Variants in CCNYL1 observed in about 807,000 individuals in gnomAD.
CCNYL1 encodes cyclin-Y-like protein 1.
CCNYL1 carries 16 observed loss-of-function variants against 44.2 expected under a neutral mutation model. The ratio of observed to expected loss-of-function variants is 0.36; its 90% CI spans 0.25 to 0.55. CCNYL1 has a LOEUF of 0.55. Ranked by LOEUF, CCNYL1 falls within the 20% of genes least tolerant of loss-of-function variation. The probability of loss-of-function intolerance (pLI) is 0.85; values close to 1 mark genes in which losing one functional copy is unlikely to be tolerated. For missense variants in CCNYL1, 348 were observed against 451.8 expected, an observed-to-expected ratio of 0.77 and a Z score of 2.08; for synonymous variants, 159 against 163.2, an observed-to-expected ratio of 0.97 and a Z score of 0.20.
intron 8 of CCNYL1, among the ~76,000 whole-genome samples, chr2:207,748,231 G>T (rs1025563895): frequency 6.6e-6 from 1 of 152,146 alleles, no homozygotes; most frequent in East Asian, 1.9e-4. Context: ...AAGCTCCAGC[G>T]TTCCCCTCAG....
intron 7 of CCNYL1, among the ~76,000 whole-genome samples, chr2:207,744,504 C>A (rs890320306): frequency 5.3e-5 from 8 of 151,408 alleles, no homozygotes; most frequent in Non-Finnish European, 1.2e-4. Flanking sequence ...AGTACCTGGG[C>A]TTACCAGTGC....
chr2:207,715,918 C>T (rs1373389921), intron 1 of CCNYL1, among the ~76,000 whole-genome samples: 2 of 151,972 alleles, frequency 1.3e-5, no homozygotes, highest in African/African-American at 4.8e-5. Context: ...TCAGGTGATC[C>T]ACCTGTCTCA....
intron 4 of CCNYL1, 48 bp downstream of exon 4, chr2:207,734,095 C>G (rs780251362): frequency 8.6e-7 from 1 of 1,162,922 alleles, no homozygotes; most frequent in Non-Finnish European, 1.3e-6. Flanking sequence ...CCCCCTTATG[C>G]TAAAAGCATC....
intron 7 of CCNYL1, among the ~76,000 whole-genome samples, chr2:207,744,569 C>T (rs1001628736): frequency 5.9e-5 from 9 of 151,372 alleles, no homozygotes; most frequent in Non-Finnish European, 1.3e-4. Context: ...CGGGCTTCGC[C>T]ATGTTGGTCA....
At chr2:207,719,017 C>G (rs2091619677) in intron 1 of CCNYL1, among the ~76,000 whole-genome samples, 1 of 150,520 alleles carries the variant, frequency 6.6e-6, no homozygotes, top group Admixed American at 6.6e-5. Flanking sequence ...GAGTGATACC[C>G]AGATATCCAG....
At chr2:207,714,380 C>A (rs2091577106) in intron 1 of CCNYL1, 1 of 410,196 alleles carries the variant, frequency 2.4e-6, no homozygotes, top group Non-Finnish European at 4.7e-6. Context: ...TGGCCTCGAA[C>A]TCCTGGCCTG....
intron 3 of CCNYL1, among the ~76,000 whole-genome samples, chr2:207,730,529 G>A (rs533372043): frequency 1.6e-4 from 24 of 152,174 alleles, no homozygotes; most frequent in South Asian, 4.2e-4. Flanking sequence ...AGGCTGAGGC[G>A]GGAGGATCAC....
In CCNYL1 at chr2:207,716,955, A is replaced by G. The variant is rs1005842540; in HGVS notation, c.220+4839A>G. 1.1e-4 allele frequency among the ~76,000 whole-genome samples: 17 copies of G among 152,060 alleles called. 1 individual carries two copies. Among genetic ancestry groups the G allele is most frequent in the African/African-American group, 3.9e-4 (16 of 41,380 alleles). ...AAACCCCGTCTCTACGAAAAATACAAAAAATTAGCCGGGCGTGGTGGCGGG... is the reference window on the plus strand; with the variant it reads ...AAACCCCGTCTCTACGAAAAATACAGAAAATTAGCCGGGCGTGGTGGCGGG... On this transcript the variant is annotated intron_variant, in intron 1 of 9. Transcript: ENST00000295414.
At position 207,737,358 on chromosome 2, in the gene CCNYL1, C is replaced by T. The variant is rs1030565425; in HGVS notation, c.432-53C>T. 16 of 1,365,486 alleles carry T rather than the reference C, an allele frequency of 1.2e-5. No individual in the cohort carries two copies. In the African/African-American group the frequency reaches 1.7e-4, roughly 15 times the overall value. 84.6% of individuals were successfully genotyped at this position (1,365,486 alleles called of 1,614,324 possible). On this transcript the variant is annotated intron_variant, in intron 4 of 9. Transcript: ENST00000295414. Reference sequence around the variant, plus strand: ...CCCTCATTTAAAAAATGTCTTCAGGCCTAACAAATGTTTAAATCAGTTGTT... The same window carrying T: ...CCCTCATTTAAAAAATGTCTTCAGGTCTAACAAATGTTTAAATCAGTTGTT...
At chr2:207,720,282 G>A (rs2091630737) in intron 1 of CCNYL1, among the ~76,000 whole-genome samples, 1 of 151,678 alleles carries the variant, frequency 6.6e-6, no homozygotes, top group East Asian at 1.9e-4. Flanking sequence ...TGACTCATGG[G>A]CTTCTTTGGA....
intron 7 of CCNYL1, among the ~76,000 whole-genome samples, chr2:207,742,890 C>G (rs1029345573): frequency 3.3e-5 from 5 of 152,202 alleles, no homozygotes; most frequent in African/African-American, 4.8e-5. Flanking sequence ...TGGACAAAGG[C>G]TTTGCTGATT....
intron 3 of CCNYL1, among the ~76,000 whole-genome samples, chr2:207,730,135 C>CA (rs1306050143): frequency 6.6e-6 from 1 of 152,132 alleles, no homozygotes; most frequent in Non-Finnish European, 1.5e-5. Flanking sequence ...AGGTGGAGTT[C>CA]CACTTCTCAG....
intron 3 of CCNYL1, among the ~76,000 whole-genome samples, chr2:207,730,013 G>C (rs1460872365): frequency 6.6e-5 from 10 of 151,998 alleles, no homozygotes; most frequent in African/African-American, 2.4e-4. Context: ...GTGCCCTGCT[G>C]GATGCGTCTT....
At chr2:207,752,172 GTT>G (rs2091898064) in intron 9 of CCNYL1, among the ~76,000 whole-genome samples, 3 of 152,140 alleles carry the variant, frequency 2.0e-5, no homozygotes, top group Non-Finnish European at 4.4e-5. Context: ...AGTCCCATGA[GTT>G]TTTTAGACAA....
chr2:207,718,642 T>C (rs777800584), intron 1 of CCNYL1, among the ~76,000 whole-genome samples: 2 of 152,226 alleles, frequency 1.3e-5, no homozygotes, highest in African/African-American at 2.4e-5. Flanking sequence ...TGTGCTGTGA[T>C]TTCTCTTCTG....
At chr2:207,723,543 C>T (rs906116407) in intron 1 of CCNYL1, among the ~76,000 whole-genome samples, 6 of 151,992 alleles carry the variant, frequency 3.9e-5, no homozygotes, top group African/African-American at 1.5e-4. Context: ...GATCTTGGCC[C>T]AGTTTCTTAC....
intron 1 of CCNYL1, among the ~76,000 whole-genome samples, chr2:207,717,091 G>C (rs1005705857): frequency 6.7e-6 from 1 of 149,468 alleles, no homozygotes; most frequent in Admixed American, 6.6e-5. Context: ...CCTGGGTGAC[G>C]GAGCGAGACT....
chr2:207,733,908 C>T (rs1449427647), intron 3 of CCNYL1, 39 bp from the exon 4 acceptor site: 2 of 1,318,194 alleles, frequency 1.5e-6, no homozygotes, highest in Non-Finnish European at 2.2e-6. Context: ...ATAGGTTTAA[C>T]TTACTGTGAC....
rs763035108 is a variant in CCNYL1, at chr2:207,747,089, T to C, written c.682T>C (p.Cys228Arg). The C allele has an allele frequency of 6.2e-7, 1 of 1,614,204 alleles. No individual in the cohort carries two copies. The highest frequency in any genetic ancestry group is 8.5e-7 in the Non-Finnish European group (1 of 1,180,028). ...RLLTYAEIDI[C>R]PTNWKRIVLG... Reference sequence around the variant, plus strand: ...TTTAACTTATGCTGAAATCGACATTTGTCCCACCAACTGGAAAAGGATTGT... The same window carrying C: ...TTTAACTTATGCTGAAATCGACATTCGTCCCACCAACTGGAAAAGGATTGT... Residue 228 changes from cysteine (C) to arginine (R), a missense_variant, in exon 8 of 10, where the codon TGT (cysteine) becomes CGT (arginine). By Grantham distance (180) the Cys-to-Arg change is radical. Transcript: ENST00000295414.
Sources: allele counts gnomAD v4.1 joint callset (sites outside exome capture counted in the v4.1 genomes callset), GRCh38; gene constraint gnomAD v4.1.1; transcripts MANE v1.5; gene names NCBI Gene and HGNC (gene_info 2026-07-23, HGNC 2026-07-21).